The following ECSCR variants were observed in gnomAD, a reference collection of about 807,000 sequenced individuals.
ECSCR encodes endothelial cell-specific chemotaxis regulator.
A neutral mutation model predicts 16.7 loss-of-function variants in ECSCR; 12 were observed. The observed-to-expected ratio is 0.72, with a 90% CI of 0.46 to 1.17. The LOEUF (loss-of-function observed/expected upper bound fraction) is 1.17. Ranked by LOEUF, ECSCR falls within the 50% of genes most tolerant of loss-of-function variation. The pLI is 0.00. For missense variants in ECSCR, 122 were observed against 116.1 expected (o/e 1.05, Z -0.23); for synonymous variants, 44 against 42.2 (o/e 1.04, Z -0.17).
chr5:139,451,295 G>C (rs1469059322), intron 8 of ECSCR, among the ~76,000 whole-genome samples: 1 of 150,142 alleles, frequency 6.7e-6, no homozygotes, highest in Non-Finnish European at 1.5e-5. Flanking sequence ...GATGTGTGGG[G>C]GAGTGTGTAT....
chr5:139,460,741 A>G (rs999674339), intron 1 of ECSCR, among the ~76,000 whole-genome samples: 2 of 152,250 alleles, frequency 1.3e-5, no homozygotes, highest in East Asian at 3.9e-4. Flanking sequence ...AACTCTAGCC[A>G]CAGGAATTTT....
chr5:139,449,836 C>T (rs1188799647), intron 8 of ECSCR, among the ~76,000 whole-genome samples: 1 of 151,938 alleles, frequency 6.6e-6, no homozygotes, highest in Non-Finnish European at 1.5e-5. Flanking sequence ...ATCTACCTGC[C>T]TCAGCGTCCC....
chr5:139,452,096 T>C (rs1751064977), intron 8 of ECSCR, among the ~76,000 whole-genome samples: 1 of 148,120 alleles, frequency 6.8e-6, no homozygotes, highest in Non-Finnish European at 1.5e-5. Context: ...GTGTGGTATG[T>C]GGATGTGCAT....
chr5:139,460,766 T>C (rs569038526), intron 1 of ECSCR, among the ~76,000 whole-genome samples: 1 of 152,164 alleles, frequency 6.6e-6, no homozygotes, highest in Non-Finnish European at 1.5e-5. Context: ...TTCCCAGGTC[T>C]CCCCTCTCTA....
chr5:139,455,477 G>A (rs955638109), intron 5 of ECSCR, 41 bp from the exon 6 acceptor site: 57 of 397,496 alleles, frequency 1.4e-4, no homozygotes, highest in African/African-American at 9.6e-4. Flanking sequence ...GAAGGGGACT[G>A]ACACAGGGAA....
intron 1 of ECSCR, among the ~76,000 whole-genome samples, chr5:139,461,760 C>T (rs748607711): frequency 3.3e-5 from 5 of 152,134 alleles, no homozygotes; most frequent in Non-Finnish European, 7.4e-5. Context: ...TACCCACCAC[C>T]GACGAGGGGC....
At chr5:139,459,825 C>T (rs908670045) in intron 1 of ECSCR, among the ~76,000 whole-genome samples, 2 of 152,216 alleles carry the variant, frequency 1.3e-5, no homozygotes, top group Non-Finnish European at 2.9e-5. Context: ...CAACCTGCTG[C>T]TCTGCTTATT....
intron 9 of ECSCR, 46 bp from the exon 10 acceptor site, chr5:139,448,954 G>A: frequency 2.6e-6 from 4 of 1,537,136 alleles, no homozygotes; most frequent in Non-Finnish European, 3.5e-6. Flanking sequence ...TTTTAGGATT[G>A]GCAGGGTACA....
intron 1 of ECSCR, among the ~76,000 whole-genome samples, chr5:139,459,660 C>A (rs1234659601): frequency 6.6e-6 from 1 of 152,238 alleles, no homozygotes; most frequent in Non-Finnish European, 1.5e-5. Context: ...GAAGTGGAGC[C>A]GCCCAGCTGG....
At chr5:139,451,707 G>A (rs1358895012) in intron 8 of ECSCR, among the ~76,000 whole-genome samples, 1 of 143,464 alleles carries the variant, frequency 7.0e-6, no homozygotes, top group Admixed American at 6.9e-5. Flanking sequence ...TATGCGTGGT[G>A]TGTTTGTGGT....
Position 139,457,245 on chromosome 5 carries a change from ACT to A in ECSCR, c.217+298_217+299del, listed in dbSNP as rs1215240175. On this transcript the variant is annotated intron_variant, in intron 4 of 9. Coordinates refer to ENST00000618155, the MANE Select transcript of ECSCR (RefSeq NM_001077693.4). The stretch of plus-strand genomic sequence containing the variant: ...CACCCCACCTGGAATAAGCCCCACT[ACT>A]CTCTACCCCACAGCCTCCACATGCT... 4.0e-4 allele frequency among the ~76,000 whole-genome samples: 61 copies of A among 151,506 alleles called. No individual in the cohort carries two copies. In the South Asian group the frequency reaches 0.013, roughly 31 times the overall value.
intron 6 of ECSCR, 101 bp from the exon 7 acceptor site, chr5:139,455,024 G>C: frequency 2.5e-6 from 1 of 397,862 alleles, no homozygotes; most frequent in Non-Finnish European, 4.4e-6. Flanking sequence ...GTGTAGACAG[G>C]CTCCAGGAGC....
At chr5:139,452,199 G>A (rs1751069176) in intron 8 of ECSCR, among the ~76,000 whole-genome samples, 1 of 148,002 alleles carries the variant, frequency 6.8e-6, no homozygotes, top group Non-Finnish European at 1.5e-5. Flanking sequence ...AGTGTGGGGT[G>A]TGGGATGTGT....
intron 4 of ECSCR, among the ~76,000 whole-genome samples, chr5:139,456,852 C>T (rs1049028310): frequency 6.6e-6 from 1 of 152,214 alleles, no homozygotes; most frequent in Non-Finnish European, 1.5e-5. Flanking sequence ...GCAGAAGGAA[C>T]CCATCCAGAT....
intron 8 of ECSCR, among the ~76,000 whole-genome samples, chr5:139,450,468 G>A (rs1751014327): frequency 7.8e-6 from 1 of 128,140 alleles, no homozygotes; most frequent in South Asian, 2.8e-4. Flanking sequence ...AACAGAGCAA[G>A]CCTGTCCCTT....
intron 8 of ECSCR, among the ~76,000 whole-genome samples, chr5:139,452,223 TAGGG>T (rs1751070076): frequency 7.6e-6 from 1 of 131,430 alleles, no homozygotes; most frequent in African/African-American, 2.9e-5. Context: ...GTGTGGTGTG[TAGGG>T]GTGTGTGTGT....
At chr5:139,458,097 C>T (rs1394977137) in intron 2 of ECSCR, 42 bp downstream of exon 2, 3 of 1,539,418 alleles carry the variant, frequency 1.9e-6, no homozygotes, top group Admixed American at 3.9e-5. Flanking sequence ...TCCTAAGCTC[C>T]TAGGCCTACA....
At chr5:139,450,478 TAAAA>T (rs377766547) in intron 8 of ECSCR, among the ~76,000 whole-genome samples, 29 of 126,736 alleles carry the variant, frequency 2.3e-4, no homozygotes, top group Non-Finnish European at 2.1e-4. Context: ...GCCTGTCCCT[TAAAA>T]AAAAAAAAAA....
chr5:139,457,762 T>G lies in ECSCR; in HGVS notation c.152A>C (p.Asn51Thr). The G allele has an allele frequency of 6.2e-7, 1 of 1,612,904 alleles. No homozygotes were observed. Among genetic ancestry groups the G allele is most frequent in the East Asian group, 2.2e-5 (1 of 44,852 alleles). The change falls in exon 3 of 10, where the codon AAC becomes ACC. Residue 51 changes from asparagine (N) to threonine (T), a missense_variant. Transcript: ENST00000618155. Reference protein sequence around the residue: ...LSLTTEPVSSNPGYIPSSEAN... With the variant: ...LSLTTEPVSSTPGYIPSSEAN... ...CAGCAACCACACTCACTCACCTGGG[T>G]TGGAAGAAACTGGCTCTGTGGTCAG...
Sources: allele counts gnomAD v4.1 joint callset (sites outside exome capture counted in the v4.1 genomes callset), GRCh38; gene constraint gnomAD v4.1.1; transcripts MANE v1.5; gene names NCBI Gene and HGNC (gene_info 2026-07-23, HGNC 2026-07-21).